Variants in KCNB2 observed in about 807,000 individuals in gnomAD.
KCNB2 encodes potassium voltage-gated channel subfamily B member 2.
In KCNB2, 15 loss-of-function variants were observed where a neutral mutation model predicts 61.5. The observed-to-expected ratio is 0.24, with a 90% confidence interval of 0.16 to 0.38. The LOEUF (loss-of-function observed/expected upper bound fraction) is 0.38. Ranked by LOEUF, KCNB2 falls within the 10% of genes least tolerant of loss-of-function variation. The pLI is 1.00. For synonymous variants in KCNB2, 457 were observed against 446.0 expected (o/e 1.02, Z -0.31); for missense variants, 828 against 1,125.2 (o/e 0.74, Z 3.78).
intron 2 of KCNB2, among the ~76,000 whole-genome samples, chr8:72,778,799 A>AAAAAGAAAAGAAAAGAAAAAGT (rs1225457406): frequency 2.4e-4 from 36 of 151,222 alleles, no homozygotes; most frequent in Non-Finnish European, 4.3e-4. Context: ...AAAGAAAAAG[A>AAAAAGAAAAGAAAAGAAAAAGT]AAAAGAAAGA....
intron 2 of KCNB2, among the ~76,000 whole-genome samples, chr8:72,907,092 C>T (rs552380017): frequency 5.9e-5 from 9 of 152,220 alleles, no homozygotes; most frequent in South Asian, 4.1e-4. Context: ...TGCACGTTGG[C>T]GCACACCTGT....
At chr8:72,636,307 C>A (rs1293135214) in intron 2 of KCNB2, among the ~76,000 whole-genome samples, 3 of 152,112 alleles carry the variant, frequency 2.0e-5, no homozygotes, top group African/African-American at 7.2e-5. Flanking sequence ...TGAAGTCCTA[C>A]TTATTATAGC....
intron 2 of KCNB2, among the ~76,000 whole-genome samples, chr8:72,759,973 T>C (rs182034774): frequency 1.3e-5 from 2 of 152,148 alleles, no homozygotes; most frequent in Admixed American, 1.3e-4. Context: ...TGATTGGGGG[T>C]GTAGTGTCTA....
intron 2 of KCNB2, among the ~76,000 whole-genome samples, chr8:72,822,048 G>T (rs1016615223): frequency 1.3e-5 from 2 of 152,110 alleles, no homozygotes; most frequent in Non-Finnish European, 2.9e-5. Flanking sequence ...GCAACTGCCT[G>T]CAAACCAGTG....
chr8:72,806,941 CTCTT>C (rs1291227482), intron 2 of KCNB2, among the ~76,000 whole-genome samples: 2 of 152,200 alleles, frequency 1.3e-5, no homozygotes, highest in Non-Finnish European at 2.9e-5. Context: ...TCACAGATCT[CTCTT>C]TCTTCTTCCC....
At position 72,786,980 on chromosome 8, in the gene KCNB2, T is replaced by A. The variant is rs558128603; in HGVS notation, c.580-148955T>A. ...TCAATGCCTAGAGCTCTTATTTCAT[T>A]GCTTCATGCTAGTACTTTCCCCACC... On this transcript the variant is annotated intron_variant, in intron 2 of 2. Coordinates refer to ENST00000523207, the MANE Select transcript of KCNB2 (RefSeq NM_004770.3). Among the ~76,000 whole-genome samples the A allele has an allele frequency of 3.3e-5, 5 of 152,286 alleles. No homozygotes were observed. The East Asian group carries it at 9.6e-4, about 29-fold the overall frequency.
At chr8:72,561,763 A>ATATATATATATG (rs1806532609) in intron 1 of KCNB2, among the ~76,000 whole-genome samples, 2 of 6,190 alleles carry the variant, frequency 3.2e-4, no homozygotes, top group Admixed American at 2.5e-3. Flanking sequence ...ATATATATGG[A>ATATATATATATG]TATATATATA....
intron 2 of KCNB2, among the ~76,000 whole-genome samples, chr8:72,625,695 T>C (rs1428718058): frequency 6.6e-6 from 1 of 152,192 alleles, no homozygotes; most frequent in African/African-American, 2.4e-5. Flanking sequence ...CTTCTCAAAG[T>C]GCTGGGATTG....
rs1386738191 is a variant in KCNB2, at chr8:72,716,761, G to T, written c.579+148448G>T. Among the ~76,000 whole-genome samples, 14 of 152,114 alleles carry T rather than the reference G, an allele frequency of 9.2e-5. No homozygotes were observed. In the East Asian group the frequency reaches 2.1e-3, roughly 23 times the overall value. On this transcript the variant is annotated intron_variant, in intron 2 of 2. Transcript: ENST00000523207. ...CCTTTGAAAACTGGCACAAGACAGG[G>T]ATGCCCTCTCTCACCACTCCTATTC...
At chr8:72,902,519 G>A (rs1398882916) in intron 2 of KCNB2, among the ~76,000 whole-genome samples, 1 of 152,098 alleles carries the variant, frequency 6.6e-6, no homozygotes, top group Admixed American at 6.6e-5. Context: ...CATTAGAAGG[G>A]TATGCTACAT....
chr8:72,884,999 T>G (rs1056993162), intron 2 of KCNB2, among the ~76,000 whole-genome samples: 1 of 152,228 alleles, frequency 6.6e-6, no homozygotes, highest in African/African-American at 2.4e-5. Flanking sequence ...TAAAAAGATA[T>G]CTTTTAGCAA....
At chr8:72,620,999 G>T (rs1239318668) in intron 2 of KCNB2, among the ~76,000 whole-genome samples, 2 of 152,242 alleles carry the variant, frequency 1.3e-5, no homozygotes, top group South Asian at 2.1e-4. Context: ...GTCTTTCTGA[G>T]AATTTTTTGT....
intron 2 of KCNB2, among the ~76,000 whole-genome samples, chr8:72,683,412 G>T (rs1806796333): frequency 6.6e-6 from 1 of 152,210 alleles, no homozygotes; most frequent in Non-Finnish European, 1.5e-5. Context: ...ATTTGAAGTA[G>T]GGGGAGAGTT....
intron 2 of KCNB2, among the ~76,000 whole-genome samples, chr8:72,873,538 CA>C (rs1223691265): frequency 2.0e-5 from 3 of 152,238 alleles, no homozygotes; most frequent in Non-Finnish European, 4.4e-5. Context: ...GTGCCTGGTG[CA>C]AAGTAGCTTC....
In KCNB2 at chr8:72,937,220, C is replaced by T. The variant is rs1324694974; in HGVS notation, c.1865C>T (p.Pro622Leu). The part of the protein sequence containing the change: ...DFTETERSPL[P>L]PPSASHLQMK... The stretch of plus-strand genomic sequence containing the variant: ...ACAGAGACAGAGAGATCGCCGCTGC[C>T]GCCGCCCTCCGCCTCTCACTTGCAG... The change falls in exon 3 of 3, where the codon CCG (proline) becomes CTG (leucine). Residue 622 changes from proline to leucine, a missense_variant. Transcript: ENST00000523207. 1.9e-6 allele frequency: 3 copies of T among 1,614,032 alleles called. No homozygotes were observed. The highest frequency in any genetic ancestry group is 1.7e-5 in the Admixed American group (1 of 60,024).
At chr8:72,748,615 T>G (rs1179921875) in intron 2 of KCNB2, among the ~76,000 whole-genome samples, 9 of 150,620 alleles carry the variant, frequency 6.0e-5, no homozygotes, top group Admixed American at 2.0e-4. Context: ...TTTTGTTGTT[T>G]TTTTTTTTTT....
intron 2 of KCNB2, among the ~76,000 whole-genome samples, chr8:72,815,692 G>A (rs984114685): frequency 6.6e-6 from 1 of 152,112 alleles, no homozygotes; most frequent in African/African-American, 2.4e-5. Context: ...ACAAAGGGCA[G>A]GGAGTTGAAT....
At chr8:72,883,357 A>G (rs1160465951) in intron 2 of KCNB2, among the ~76,000 whole-genome samples, 1 of 152,208 alleles carries the variant, frequency 6.6e-6, no homozygotes, top group Non-Finnish European at 1.5e-5. Flanking sequence ...GTCCTCAGTT[A>G]TCCACTGACC....
intron 2 of KCNB2, among the ~76,000 whole-genome samples, chr8:72,601,875 A>G (rs781705001): frequency 1.3e-5 from 2 of 152,190 alleles, no homozygotes; most frequent in Non-Finnish European, 2.9e-5. Context: ...TTGGCAGCCA[A>G]CTAATGAGGA....
Sources: gnomAD v4.1 joint callset for allele counts (sites outside exome capture counted in the v4.1 genomes callset) on GRCh38, gnomAD v4.1.1 for gene constraint, MANE v1.5 for transcripts, NCBI Gene and HGNC (gene_info 2026-07-23, HGNC 2026-07-21) for gene names.